Variants in LUZP2 observed in about 807,000 individuals in gnomAD.
The protein encoded by LUZP2 is leucine zipper protein 2.
Under a neutral mutation model 51.6 loss-of-function variants are expected in LUZP2, and 52 were observed. That is an observed-to-expected ratio of 1.01 (90% CI 0.81 to 1.27). LUZP2 has a LOEUF of 1.27. Among genes scored for constraint, LUZP2 ranks in the 50% most tolerant of loss-of-function variants. LUZP2 has a pLI of 0.00. For missense variants in LUZP2, 436 were observed against 395.4 expected (o/e 1.10, Z -0.87); for synonymous variants, 154 against 137.3 (o/e 1.12, Z -0.85).
At chr11:24,632,543 A>T (rs765638196) in intron 1 of LUZP2, among the ~76,000 whole-genome samples, 32 of 152,086 alleles carry the variant, frequency 2.1e-4, no homozygotes, top group African/African-American at 7.2e-4. Context: ...GGCCTTAGGA[A>T]TCCCACGTGG....
At chr11:24,593,329 A>T (rs1294795219) in intron 1 of LUZP2, among the ~76,000 whole-genome samples, 1 of 152,108 alleles carries the variant, frequency 6.6e-6, no homozygotes, top group Non-Finnish European at 1.5e-5. Flanking sequence ...GCTGAGTGGC[A>T]AACTTTCCCA....
At chr11:24,519,351 A>G (rs1369610944) in intron 1 of LUZP2, among the ~76,000 whole-genome samples, 2 of 152,200 alleles carry the variant, frequency 1.3e-5, no homozygotes, top group Non-Finnish European at 2.9e-5. Context: ...ACAGCAGGCC[A>G]TCTGGAACTG....
At chr11:24,968,250 A>G (rs190575109) in intron 7 of LUZP2, among the ~76,000 whole-genome samples, 246 of 152,250 alleles carry the variant, frequency 1.6e-3, no homozygotes, top group Middle Eastern at 3.4e-3. Flanking sequence ...GTAAGTGAAC[A>G]CACAGTAAAT....
chr11:24,525,060 T>C (rs1564968835), intron 1 of LUZP2, among the ~76,000 whole-genome samples: 1 of 151,720 alleles, frequency 6.6e-6, no homozygotes, highest in African/African-American at 2.4e-5. Flanking sequence ...TTCAGGACTA[T>C]GATTCTCCAA....
intron 5 of LUZP2, among the ~76,000 whole-genome samples, chr11:24,770,583 C>A (rs1467348164): frequency 6.6e-6 from 1 of 152,066 alleles, no homozygotes; most frequent in Non-Finnish European, 1.5e-5. Flanking sequence ...GTTTTAATGT[C>A]ATTGCTCTAA....
At chr11:24,853,934 A>G (rs1851470839) in intron 5 of LUZP2, among the ~76,000 whole-genome samples, 1 of 152,106 alleles carries the variant, frequency 6.6e-6, no homozygotes, top group Non-Finnish European at 1.5e-5. Context: ...TTTTGCCTGG[A>G]TATCACCAGT....
intron 5 of LUZP2, among the ~76,000 whole-genome samples, chr11:24,774,968 G>A (rs1848873448): frequency 6.6e-6 from 1 of 150,408 alleles, no homozygotes; most frequent in African/African-American, 2.4e-5. Context: ...CTCATTTCTG[G>A]CTACCTACCT....
intron 10 of LUZP2, among the ~76,000 whole-genome samples, chr11:25,055,464 C>CTA (rs777078493): frequency 2.6e-5 from 4 of 151,872 alleles, no homozygotes; most frequent in South Asian, 2.1e-4. Context: ...TTGTTAATTG[C>CTA]TATATATATA....
intron 4 of LUZP2, among the ~76,000 whole-genome samples, chr11:24,755,527 A>G (rs1859741664): frequency 6.6e-6 from 1 of 152,190 alleles, no homozygotes; most frequent in Non-Finnish European, 1.5e-5. Context: ...GGATTCGAAC[A>G]TGTTGCTTTT....
intron 1 of LUZP2, among the ~76,000 whole-genome samples, chr11:24,623,412 A>G (rs1008500413): frequency 2.0e-5 from 3 of 152,146 alleles, no homozygotes; most frequent in African/African-American, 7.2e-5. Flanking sequence ...CATTTTTTTG[A>G]TATGACACAG....
At chr11:24,726,442 C>A (rs1590405291) in intron 1 of LUZP2, among the ~76,000 whole-genome samples, 1 of 151,484 alleles carries the variant, frequency 6.6e-6, no homozygotes. Flanking sequence ...AATACATGTA[C>A]CTACTAAATA....
chr11:24,912,067 A>G (rs544992951), intron 6 of LUZP2, among the ~76,000 whole-genome samples: 1 of 152,156 alleles, frequency 6.6e-6, no homozygotes, highest in African/African-American at 2.4e-5. Flanking sequence ...TTATTAACAT[A>G]TCTCACTCTT....
At chr11:24,525,475 C>T (rs1158286152) in intron 1 of LUZP2, among the ~76,000 whole-genome samples, 1 of 151,358 alleles carries the variant, frequency 6.6e-6, no homozygotes, top group Non-Finnish European at 1.5e-5. Context: ...TATTGGCTTT[C>T]ATGTCTGGGA....
At chr11:24,570,780 G>A (rs992965118) in intron 1 of LUZP2, among the ~76,000 whole-genome samples, 1 of 151,968 alleles carries the variant, frequency 6.6e-6, no homozygotes, top group Non-Finnish European at 1.5e-5. Flanking sequence ...AAGCCAAGAG[G>A]TGGAGTTCTA....
At chr11:24,679,147 A>G (rs892784464) in intron 1 of LUZP2, among the ~76,000 whole-genome samples, 1 of 152,208 alleles carries the variant, frequency 6.6e-6, no homozygotes, top group African/African-American at 2.4e-5. Context: ...AAGAAACCTT[A>G]TGTCATAGGA....
intron 1 of LUZP2, among the ~76,000 whole-genome samples, chr11:24,520,213 A>G (rs1850600708): frequency 6.6e-6 from 1 of 151,680 alleles, no homozygotes; most frequent in Non-Finnish European, 1.5e-5. Flanking sequence ...TGGAATTATT[A>G]CCAACAGAAT....
At chr11:24,704,670 C>T (rs1857522082) in intron 1 of LUZP2, among the ~76,000 whole-genome samples, 1 of 151,970 alleles carries the variant, frequency 6.6e-6, no homozygotes, top group Non-Finnish European at 1.5e-5. Flanking sequence ...ACTGTTGTTA[C>T]AGAACCATAA....
intron 10 of LUZP2, among the ~76,000 whole-genome samples, chr11:25,053,810 A>G (rs1858596531): frequency 6.6e-6 from 1 of 152,176 alleles, no homozygotes; most frequent in African/African-American, 2.4e-5. Flanking sequence ...AGTAGGCACC[A>G]AGATGTAGAA....
intron 1 of LUZP2, among the ~76,000 whole-genome samples, chr11:24,661,238 T>C (rs996991015): frequency 6.6e-6 from 1 of 152,190 alleles, no homozygotes; most frequent in Non-Finnish European, 1.5e-5. Flanking sequence ...TGTTCTTTTC[T>C]ATCTATTAAT....
Sources: allele counts gnomAD v4.1 joint callset (sites outside exome capture counted in the v4.1 genomes callset), GRCh38; gene constraint gnomAD v4.1.1; transcripts MANE v1.5; gene names NCBI Gene and HGNC (gene_info 2026-07-23, HGNC 2026-07-21).